HECW2: variants seen among roughly 807,000 people sequenced by gnomAD.
The protein encoded by HECW2 is HECT, C2 and WW domain containing E3 ubiquitin protein ligase 2.
Under a neutral mutation model 175.2 loss-of-function variants are expected in HECW2, and 61 were observed. The observed-to-expected ratio is 0.35, with a 90% confidence interval of 0.28 to 0.43. The LOEUF is 0.43. Among genes scored for constraint, HECW2 ranks in the 20% least tolerant of loss-of-function variants. HECW2 has a pLI of 1.00. For missense variants in HECW2, 1,524 were observed against 2,000.5 expected (o/e 0.76, Z 4.54); for synonymous variants, 671 against 731.0 (o/e 0.92, Z 1.32).
intron 21 of HECW2, among the ~76,000 whole-genome samples, chr2:196,229,385 C>T (rs1316525961): frequency 6.6e-6 from 1 of 151,940 alleles, no homozygotes; most frequent in African/African-American, 2.4e-5. Flanking sequence ...CTAGGCAGGG[C>T]ATGTTGGCTC....
chr2:196,389,271 T>C (rs756572399), intron 2 of HECW2, among the ~76,000 whole-genome samples: 6 of 152,156 alleles, frequency 3.9e-5, no homozygotes, highest in Non-Finnish European at 7.4e-5. Context: ...GGCAGGCAAA[T>C]GGGCAAATGG....
At chr2:196,459,866 T>C (rs1214651391) in intron 1 of HECW2, among the ~76,000 whole-genome samples, 3 of 152,152 alleles carry the variant, frequency 2.0e-5, no homozygotes, top group Admixed American at 6.5e-5. Context: ...AATGCCGCCA[T>C]AGTTAAAAAC....
chr2:196,394,854 T>C (rs1694616394), intron 2 of HECW2, among the ~76,000 whole-genome samples: 1 of 152,230 alleles, frequency 6.6e-6, no homozygotes, highest in African/African-American at 2.4e-5. Context: ...TCAGAAAATA[T>C]CATAAACTGG....
intron 1 of HECW2, among the ~76,000 whole-genome samples, chr2:196,514,375 C>T (rs145673141): frequency 2.4e-4 from 37 of 152,324 alleles, no homozygotes; most frequent in Admixed American, 7.8e-4. Flanking sequence ...GGGCTGAGGG[C>T]GGCTCGGCAC....
chr2:196,336,809 A>G (rs1035484190), intron 3 of HECW2, among the ~76,000 whole-genome samples: 1 of 152,146 alleles, frequency 6.6e-6, no homozygotes, highest in Admixed American at 6.5e-5. Flanking sequence ...GAATTGCACA[A>G]AAGTAGATTT....
In HECW2 at chr2:196,564,433, G is replaced by T. The variant is rs111887757; in HGVS notation, c.-36+29075C>A. ...AATAACCACAAAAACAATAATATTA[G>T]GGATGGTAGGATAATGTCCTTATTC... On this transcript the variant is annotated intron_variant, in intron 1 of 28. Transcript: ENST00000644978. Among the ~76,000 whole-genome samples the T allele has an allele frequency of 7.2e-4, 110 of 152,264 alleles. 3 individuals carry two copies. The highest frequency in any genetic ancestry group is 2.2e-3 in the African/African-American group (91 of 41,548).
intron 1 of HECW2, among the ~76,000 whole-genome samples, chr2:196,538,785 G>T (rs916652062): frequency 6.6e-6 from 1 of 152,168 alleles, no homozygotes; most frequent in Non-Finnish European, 1.5e-5. Flanking sequence ...CAGCTCCAGT[G>T]ATAAGAAAGG....
chr2:196,379,985 T>C (rs1291340700), intron 2 of HECW2, among the ~76,000 whole-genome samples: 1 of 152,106 alleles, frequency 6.6e-6, no homozygotes, highest in Non-Finnish European at 1.5e-5. Context: ...GGATTTTGCT[T>C]AAATCAATTA....
At chr2:196,295,116 C>T (rs977962143) in intron 13 of HECW2, among the ~76,000 whole-genome samples, 5 of 152,060 alleles carry the variant, frequency 3.3e-5, no homozygotes, top group Non-Finnish European at 7.4e-5. Flanking sequence ...ATATTTCAAC[C>T]GACAGGCTAA....
At chr2:196,520,960 A>T (rs1433279736) in intron 1 of HECW2, among the ~76,000 whole-genome samples, 13 of 152,236 alleles carry the variant, frequency 8.5e-5, no homozygotes, top group Admixed American at 5.2e-4. Flanking sequence ...GATTTATAGA[A>T]GAAAGTAGAT....
intron 19 of HECW2, among the ~76,000 whole-genome samples, chr2:196,253,392 C>G (rs6720715): frequency 0.023 from 3,509 of 152,296 alleles, 107 homozygotes; most frequent in African/African-American, 0.078. Flanking sequence ...CCCACTCACT[C>G]TTTCATTCAG....
intron 10 of HECW2, 136 bp downstream of exon 10, chr2:196,317,138 C>T (rs905436490): frequency 2.8e-5 from 19 of 668,192 alleles, no homozygotes; most frequent in African/African-American, 2.5e-4. Flanking sequence ...ACTACACCTG[C>T]TATGTCAAGT....
intron 1 of HECW2, among the ~76,000 whole-genome samples, chr2:196,517,981 C>T (rs1441451270): frequency 6.6e-6 from 1 of 152,132 alleles, no homozygotes; most frequent in Non-Finnish European, 1.5e-5. Context: ...CCTTAGAGAC[C>T]ATGCACTTTA....
chr2:196,236,475 C>T (rs1177007329), intron 21 of HECW2, among the ~76,000 whole-genome samples: 2 of 152,132 alleles, frequency 1.3e-5, no homozygotes, highest in Non-Finnish European at 2.9e-5. Flanking sequence ...ATTAATAAAC[C>T]AATATTGATA....
At chr2:196,483,254 A>C (rs1202643012) in intron 1 of HECW2, among the ~76,000 whole-genome samples, 1 of 152,222 alleles carries the variant, frequency 6.6e-6, no homozygotes, top group Non-Finnish European at 1.5e-5. Context: ...TATTTACTCG[A>C]TGGATATTTA....
At chr2:196,573,360 A>T (rs1373206704) in intron 1 of HECW2, among the ~76,000 whole-genome samples, 1 of 152,152 alleles carries the variant, frequency 6.6e-6, no homozygotes, top group African/African-American at 2.4e-5. Flanking sequence ...AGTCTCAATA[A>T]GGACAGTGTG....
At chr2:196,399,947 G>A (rs1436469785) in intron 2 of HECW2, among the ~76,000 whole-genome samples, 1 of 152,120 alleles carries the variant, frequency 6.6e-6, no homozygotes, top group Non-Finnish European at 1.5e-5. Context: ...GTAGACTCCT[G>A]GAGAAGGTCC....
At chr2:196,430,436 A>G (rs1450797655) in intron 2 of HECW2, among the ~76,000 whole-genome samples, 1 of 152,204 alleles carries the variant, frequency 6.6e-6, no homozygotes, top group East Asian at 1.9e-4. Context: ...ATGAAAAAAA[A>G]AATAGTCAAT....
chr2:196,204,135 T>G (rs895346357), intron 28 of HECW2, among the ~76,000 whole-genome samples: 7 of 152,224 alleles, frequency 4.6e-5, no homozygotes, highest in Non-Finnish European at 1.0e-4. Context: ...TTCCTACCGT[T>G]TGGCTATTGT....
Sources: gnomAD v4.1 joint callset for allele counts (sites outside exome capture counted in the v4.1 genomes callset) on GRCh38, gnomAD v4.1.1 for gene constraint, MANE v1.5 for transcripts, NCBI Gene and HGNC (gene_info 2026-07-23, HGNC 2026-07-21) for gene names.